LARP1B: variants seen among roughly 807,000 people sequenced by gnomAD.
The protein encoded by LARP1B is la-related protein 1B.
A neutral mutation model predicts 114.2 loss-of-function variants in LARP1B; 76 were observed. That is an observed-to-expected ratio of 0.67 (90% CI 0.55 to 0.81). LARP1B has a LOEUF of 0.81. LARP1B is among the 30% of genes least tolerant of loss of function. LARP1B has a pLI of 0.00. For synonymous variants in LARP1B, 345 were observed against 348.0 expected (o/e 0.99, Z 0.10); for missense variants, 1,014 against 1,075.8 (o/e 0.94, Z 0.80).
chr4:128,083,068 ACCG>A (rs1004114363), intron 5 of LARP1B, among the ~76,000 whole-genome samples: 28 of 152,264 alleles, frequency 1.8e-4, no homozygotes, highest in African/African-American at 6.5e-4. Context: ...CACATCTTGC[ACCG>A]CCCTTAATCC....
chr4:128,195,047 T>C (rs1157890715), intron 15 of LARP1B, among the ~76,000 whole-genome samples: 26 of 152,170 alleles, frequency 1.7e-4, no homozygotes, highest in Admixed American at 1.6e-3. Context: ...TTTTATTTTT[T>C]CTTTTTGTGT....
chr4:128,211,554 A>G lies in LARP1B; in HGVS notation c.*1501A>G. The G allele has an allele frequency of 1.1e-6, 1 of 925,284 alleles. No homozygotes were observed. The highest frequency in any genetic ancestry group is 1.3e-6 in the Non-Finnish European group (1 of 775,224). 57.3% of individuals were successfully genotyped at this position (925,284 alleles called of 1,614,324 possible). A position where few individuals can be genotyped will look rare whatever the true frequency, so the allele number is the denominator to read the frequency against. ...ATAGTCAAATTTGAATATTCAGAAAATAAATTTATTTAGATATATTGTAAA... is the reference window on the plus strand; with the variant it reads ...ATAGTCAAATTTGAATATTCAGAAAGTAAATTTATTTAGATATATTGTAAA... On this transcript the variant is annotated 3_prime_UTR_variant, in exon 20 of 20. Coordinates refer to ENST00000326639, the MANE Select transcript of LARP1B (RefSeq NM_018078.4).
At chr4:128,062,303 G>GGGCACCA (rs1175748395) in intron 1 of LARP1B, 9 of 983,670 alleles carry the variant, frequency 9.1e-6, no homozygotes, top group Non-Finnish European at 1.1e-5. Context: ...CGGCGGTAGC[G>GGGCACCA]GGCACCAGGC....
In LARP1B at chr4:128,210,056, A is replaced by G; in HGVS notation, c.*3A>G. The G allele has an allele frequency of 6.2e-7, 1 of 1,613,980 alleles. No homozygotes were observed. Among genetic ancestry groups the G allele is most frequent in the Non-Finnish European group, 8.5e-7 (1 of 1,179,852 alleles). ...AGTCCAGTGACAATTCACATTAAAC[A>G]GTGCTGCCTGTGTCCTGTGGTCTCA... On this transcript the variant is annotated 3_prime_UTR_variant, in exon 20 of 20. Transcript: ENST00000326639.
At position 128,151,804 on chromosome 4, in the gene LARP1B, A is replaced by G. The variant is rs555998973; in HGVS notation, c.1525-10390A>G. Among the ~76,000 whole-genome samples, 395 of 152,258 alleles carry G rather than the reference A, an allele frequency of 2.6e-3. 3 individuals carry two copies. Among genetic ancestry groups the G allele is most frequent in the African/African-American group, 9.1e-3 (376 of 41,542 alleles). On this transcript the variant is annotated intron_variant, in intron 11 of 19. Transcript: ENST00000326639. ...TTTTCAGTAGAGACAAGGTTTCACCATGTTGGCCAGGTTGGTCTCGAACTC... is the reference window on the plus strand; with the variant it reads ...TTTTCAGTAGAGACAAGGTTTCACCGTGTTGGCCAGGTTGGTCTCGAACTC...
At chr4:128,121,529 C>G (rs909915982) in intron 10 of LARP1B, among the ~76,000 whole-genome samples, 1 of 152,228 alleles carries the variant, frequency 6.6e-6, no homozygotes, top group Non-Finnish European at 1.5e-5. Flanking sequence ...TTTCATATCT[C>G]TAGGCCTTTG....
At chr4:128,108,059 G>A in intron 9 of LARP1B, 1 of 1,462,206 alleles carries the variant, frequency 6.8e-7, no homozygotes, top group South Asian at 1.4e-5. Flanking sequence ...GGAGGAAGTT[G>A]GGCCAACACT....
intron 9 of LARP1B, chr4:128,108,436 A>G (rs1782825490): frequency 1.0e-6 from 1 of 985,728 alleles, no homozygotes; most frequent in African/African-American, 1.7e-5. Flanking sequence ...GGGGTAAGGA[A>G]TTTAAGAACT....
intron 12 of LARP1B, among the ~76,000 whole-genome samples, chr4:128,171,567 A>G (rs141701175): frequency 6.6e-6 from 1 of 152,266 alleles, no homozygotes; most frequent in East Asian, 1.9e-4. Context: ...ATAGTCTATT[A>G]TATTTATCTG....
At chr4:128,207,442 C>A in intron 19 of LARP1B, 59 bp downstream of exon 19, 1 of 1,185,418 alleles carries the variant, frequency 8.4e-7, no homozygotes, top group Non-Finnish European at 1.1e-6. Context: ...AGTCTCTTAT[C>A]AGTGACTTTT....
chr4:128,116,964 T>C (rs529765573), intron 10 of LARP1B, among the ~76,000 whole-genome samples: 36 of 148,430 alleles, frequency 2.4e-4, no homozygotes, highest in African/African-American at 8.2e-4. Context: ...CAGGCTAGAG[T>C]GCAGTGGCGC....
At chr4:128,190,648 C>G (rs964817336) in intron 15 of LARP1B, among the ~76,000 whole-genome samples, 2 of 152,114 alleles carry the variant, frequency 1.3e-5, no homozygotes, top group Non-Finnish European at 2.9e-5. Context: ...TCTCTCTCAC[C>G]TGCTGCAGTG....
At chr4:128,079,483 C>G (rs1263207715) in intron 4 of LARP1B, among the ~76,000 whole-genome samples, 4 of 151,948 alleles carry the variant, frequency 2.6e-5, no homozygotes, top group Non-Finnish European at 5.9e-5. Context: ...GCTAATTGCT[C>G]AAAAACAGTG....
chr4:128,116,123 G>C (rs752052656), intron 10 of LARP1B, among the ~76,000 whole-genome samples: 4 of 152,138 alleles, frequency 2.6e-5, no homozygotes, highest in Non-Finnish European at 5.9e-5. Context: ...GAGTGAGATG[G>C]TTATATTTAT....
intron 11 of LARP1B, among the ~76,000 whole-genome samples, chr4:128,149,720 G>A (rs1381188962): frequency 2.0e-5 from 3 of 152,128 alleles, no homozygotes; most frequent in African/African-American, 7.2e-5. Flanking sequence ...TGATAAGAAG[G>A]CCAGAAATGT....
rs568197117 is a variant in LARP1B at position 128,073,572 on chromosome 4, G to GTTTTTTTTT, written c.-77-859_-77-851dup. ...AATTTTCTCCTGTTATATTGTTGTC[G>GTTTTTTTTT]TTTTTTTTTTTTTTTTTTTTTTTTT... On this transcript the variant is annotated intron_variant, in intron 1 of 19. Coordinates refer to ENST00000326639, the MANE Select transcript of LARP1B (RefSeq NM_018078.4). Among the ~76,000 whole-genome samples, 69 of 40,004 alleles carry GTTTTTTTTT rather than the reference G, an allele frequency of 1.7e-3. 22 individuals are homozygous for GTTTTTTTTT. The highest frequency in any genetic ancestry group is 3.0e-3 in the Non-Finnish European group (60 of 19,982). 26.2% of individuals were successfully genotyped at this position (40,004 alleles called of 152,430 possible).
chr4:128,094,425 T>C (rs1356219268), intron 7 of LARP1B, among the ~76,000 whole-genome samples: 2 of 145,790 alleles, frequency 1.4e-5, no homozygotes, highest in African/African-American at 2.6e-5. Context: ...TTTTGAGACA[T>C]TGTCTCACTC....
downstream of LARP1B, among the ~76,000 whole-genome samples, chr4:128,216,939 A>G (rs1419222550): frequency 6.6e-6 from 1 of 152,090 alleles, no homozygotes; most frequent in Non-Finnish European, 1.5e-5. Context: ...AAATAGACAC[A>G]ATAAAAAATG....
At chr4:128,205,972 ATTACTAATTACCAGT>A (rs1757468547) in intron 17 of LARP1B, among the ~76,000 whole-genome samples, 1 of 152,132 alleles carries the variant, frequency 6.6e-6, no homozygotes, top group Admixed American at 6.6e-5. Flanking sequence ...CCAGCTGTAG[ATTACTAATTACCAGT>A]TCAGTTAAAA....
Sources: allele counts gnomAD v4.1 joint callset (sites outside exome capture counted in the v4.1 genomes callset), GRCh38; gene constraint gnomAD v4.1.1; transcripts MANE v1.5; gene names NCBI Gene and HGNC (gene_info 2026-07-23, HGNC 2026-07-21).